DOCK2: variants seen among roughly 807,000 people sequenced by gnomAD.
The protein encoded by DOCK2 is dedicator of cytokinesis 2.
In DOCK2, 87 loss-of-function variants were observed where a neutral mutation model predicts 248.9. The ratio of observed to expected loss-of-function variants is 0.35; its 90% CI spans 0.29 to 0.42. The LOEUF (loss-of-function observed/expected upper bound fraction) is 0.42, where lower values mean the gene tolerates loss of function less well. DOCK2 is among the 10% of genes least tolerant of loss of function. The probability of loss-of-function intolerance (pLI) is 1.00; values close to 1 mark genes in which losing one functional copy is unlikely to be tolerated. For missense variants in DOCK2, 1,747 were observed against 2,300.2 expected (o/e 0.76, Z 4.92); for synonymous variants, 805 against 821.6 (o/e 0.98, Z 0.35).
rs1400482773 is a variant in DOCK2 at position 169,674,330 on chromosome 5, T to A, written c.355T>A (p.Ser119Thr). ...SKKERFLQVQSMMYDLMEWRS... is the reference protein window; with the variant it reads ...SKKERFLQVQTMMYDLMEWRS... The stretch of plus-strand genomic sequence containing the variant: ...AAAGGAGCGTTTTCTCCAGGTGCAG[T>A]CCATGATGTACGATCTGATGGAGTG... The change falls in exon 6 of 52, where the codon TCC becomes ACC. Residue 119 changes from serine to threonine, a missense_variant. Transcript: ENST00000520908. 2 of 1,614,102 alleles carry A rather than the reference T, an allele frequency of 1.2e-6. No homozygotes were observed. The highest frequency in any genetic ancestry group is 3.3e-5 in the Admixed American group (2 of 60,014).
intron 23 of DOCK2, among the ~76,000 whole-genome samples, chr5:169,750,232 C>T (rs756946511): frequency 2.4e-4 from 37 of 152,174 alleles, no homozygotes; most frequent in Non-Finnish European, 4.7e-4. Flanking sequence ...ATTTCAGCAC[C>T]TGTTTCCCTA....
At chr5:169,808,466 T>A (rs1235574664) in intron 26 of DOCK2, among the ~76,000 whole-genome samples, 2 of 150,984 alleles carry the variant, frequency 1.3e-5, no homozygotes, top group African/African-American at 2.4e-5. Flanking sequence ...TGGCTGTTGA[T>A]TTTTTTTTAA....
At chr5:169,752,039 T>C (rs1406978522) in intron 23 of DOCK2, among the ~76,000 whole-genome samples, 1 of 152,168 alleles carries the variant, frequency 6.6e-6, no homozygotes, top group Admixed American at 6.5e-5. Flanking sequence ...TTCCCATGTG[T>C]TTTCAACAAT....
At chr5:169,662,189 A>G (rs975102706) in intron 2 of DOCK2, among the ~76,000 whole-genome samples, 5 of 152,002 alleles carry the variant, frequency 3.3e-5, no homozygotes, top group African/African-American at 7.3e-5. Flanking sequence ...TTGTGGTTTG[A>G]TTTTCATTTT....
At chr5:170,071,875 G>A (rs535884679) in intron 46 of DOCK2, among the ~76,000 whole-genome samples, 28 of 152,140 alleles carry the variant, frequency 1.8e-4, no homozygotes, top group East Asian at 1.5e-3. Flanking sequence ...ACAGTCTTTC[G>A]TATCTAACTT....
intron 22 of DOCK2, among the ~76,000 whole-genome samples, chr5:169,720,180 T>G (rs1337340240): frequency 6.6e-6 from 1 of 152,198 alleles, no homozygotes; most frequent in Non-Finnish European, 1.5e-5. Flanking sequence ...GAGTCGGGTA[T>G]TCTAGGTTTG....
chr5:169,863,147 G>T (rs1307979893), intron 27 of DOCK2, among the ~76,000 whole-genome samples: 1 of 152,174 alleles, frequency 6.6e-6, no homozygotes, highest in African/African-American at 2.4e-5. Flanking sequence ...GAATGAGCCA[G>T]ACCTTGAATA....
At chr5:169,807,518 C>A (rs567300471) in intron 26 of DOCK2, among the ~76,000 whole-genome samples, 1 of 152,000 alleles carries the variant, frequency 6.6e-6, no homozygotes, top group Non-Finnish European at 1.5e-5. Flanking sequence ...AATTTAAGAA[C>A]CCTGTCCAGT....
chr5:169,676,567 G>A (rs1291079392), intron 6 of DOCK2, among the ~76,000 whole-genome samples: 3 of 152,130 alleles, frequency 2.0e-5, no homozygotes, highest in East Asian at 3.9e-4. Flanking sequence ...AGAGAGTTGG[G>A]CAACTTATCA....
chr5:170,028,621 T>C (rs1327986730), intron 34 of DOCK2: 4 of 153,476 alleles, frequency 2.6e-5, no homozygotes, highest in Admixed American at 2.0e-4. Flanking sequence ...TTACCCAAAG[T>C]GTACAATCAT....
intron 27 of DOCK2, among the ~76,000 whole-genome samples, chr5:169,911,603 T>G (rs1479745736): frequency 6.6e-6 from 1 of 152,244 alleles, no homozygotes. Context: ...AGGCTTCATT[T>G]CACGTGGTGC....
intron 27 of DOCK2, among the ~76,000 whole-genome samples, chr5:169,952,823 A>G (rs150727162): frequency 3.3e-5 from 5 of 152,318 alleles, no homozygotes; most frequent in African/African-American, 4.8e-5. Context: ...ACCAGAATAC[A>G]TAAGTGAGAA....
chr5:169,925,367 G>A (rs1262665096), intron 27 of DOCK2, among the ~76,000 whole-genome samples: 1 of 152,210 alleles, frequency 6.6e-6, no homozygotes, highest in South Asian at 2.1e-4. Flanking sequence ...AGATCACAAG[G>A]TCAGGCGTTA....
In DOCK2 at chr5:170,036,438, A is replaced by G. The variant is rs1756325558; in HGVS notation, c.3625-77A>G. On this transcript the variant is annotated intron_variant, in intron 35 of 51. Transcript: ENST00000520908. ...GATACTAGACAGCAATCTTCCTCTC[A>G]TCTTCATCACCACACCCTTGACCGC... 2.1e-6 allele frequency: 3 copies of G among 1,462,942 alleles called. No homozygotes were observed. The South Asian group carries it at 3.7e-5, about 18-fold the overall frequency. 90.6% of individuals were successfully genotyped at this position (1,462,942 alleles called of 1,614,324 possible).
chr5:170,081,129 A>G (rs1758015896), intron 50 of DOCK2: 1 of 152,508 alleles, frequency 6.6e-6, no homozygotes. Flanking sequence ...CACTGAGAAC[A>G]TCACTCTCTT....
chr5:169,703,389 C>G (rs1761086790), intron 14 of DOCK2, among the ~76,000 whole-genome samples: 1 of 152,098 alleles, frequency 6.6e-6, no homozygotes, highest in African/African-American at 2.4e-5. Flanking sequence ...TTATTATGCC[C>G]CATTTTACAG....
chr5:169,897,661 G>A (rs1773692090), intron 27 of DOCK2, among the ~76,000 whole-genome samples: 1 of 152,196 alleles, frequency 6.6e-6, no homozygotes, highest in South Asian at 2.1e-4. Context: ...TTCAGCTAAA[G>A]ACAGAAGTTC....
At chr5:169,675,350 G>A (rs1759272073) in intron 6 of DOCK2, among the ~76,000 whole-genome samples, 1 of 152,146 alleles carries the variant, frequency 6.6e-6, no homozygotes, top group Non-Finnish European at 1.5e-5. Context: ...CAAACATTCT[G>A]TTCATTTGTT....
At chr5:169,783,396 C>T (rs1765816384) in intron 25 of DOCK2, among the ~76,000 whole-genome samples, 1 of 152,068 alleles carries the variant, frequency 6.6e-6, no homozygotes, top group African/African-American at 2.4e-5. Context: ...TCATCGGTGA[C>T]TTTGGAAAAG....
Sources: allele counts gnomAD v4.1 joint callset (sites outside exome capture counted in the v4.1 genomes callset), GRCh38; gene constraint gnomAD v4.1.1; transcripts MANE v1.5; gene names NCBI Gene and HGNC (gene_info 2026-07-23, HGNC 2026-07-21).